TEX11: variants seen among roughly 807,000 people sequenced by gnomAD.
The protein encoded by TEX11 is testis expressed 11.
TEX11 carries 7 observed loss-of-function variants against 84.4 expected under a neutral mutation model. That is an observed-to-expected ratio of 0.08 (90% confidence interval 0.05 to 0.16). TEX11 has a LOEUF of 0.16. Among genes scored for constraint, TEX11 ranks in the 10% least tolerant of loss-of-function variants. TEX11 has a pLI of 1.00. For synonymous variants in TEX11, 264 were observed against 222.8 expected, an observed-to-expected ratio of 1.18 and a Z score of -1.64; for missense variants, 551 against 660.5, an observed-to-expected ratio of 0.83 and a Z score of 1.82.
intron 7 of TEX11, among the ~76,000 whole-genome samples, chrX:70,849,423 A>G (rs1257773971): frequency 8.9e-6 from 1 of 112,094 alleles, no homozygotes; most frequent in Non-Finnish European, 1.9e-5. Flanking sequence ...AGGATAGGAT[A>G]TGTGATTATT....
intron 13 of TEX11, among the ~76,000 whole-genome samples, chrX:70,698,310 A>G (rs2090297613): frequency 9.0e-6 from 1 of 111,383 alleles, no homozygotes; most frequent in South Asian, 3.7e-4. Context: ...CAGCAGATTG[A>G]GTACAGTTAT....
At chrX:70,686,310 G>C (rs1390196736) in intron 13 of TEX11, among the ~76,000 whole-genome samples, 1 of 111,730 alleles carries the variant, frequency 9.0e-6, no homozygotes, top group Non-Finnish European at 1.9e-5. Context: ...ATGATAGACT[G>C]GATAAAGAAA....
intron 17 of TEX11, among the ~76,000 whole-genome samples, chrX:70,640,697 T>C (rs1400791680): frequency 9.2e-6 from 1 of 108,592 alleles, no homozygotes; most frequent in East Asian, 2.9e-4. Flanking sequence ...AGAAATAAAA[T>C]ACTTTACAGA....
chrX:70,706,704 A>G (rs773156277), intron 13 of TEX11, among the ~76,000 whole-genome samples: 29 of 111,415 alleles, frequency 2.6e-4, no homozygotes, highest in African/African-American at 1.3e-4. Context: ...TTATCTCTGC[A>G]TCTTCAATGC....
chrX:70,666,044 C>T (rs896563534), intron 16 of TEX11, among the ~76,000 whole-genome samples: 32 of 111,612 alleles, frequency 2.9e-4, no homozygotes, highest in African/African-American at 1.0e-3. Context: ...ATCTACTATG[C>T]ATTAGGCACT....
chrX:70,791,566 T>A lies in TEX11; in HGVS notation c.692+15139A>T, dbSNP rs141577193. ...AACCATGGAACACACATTCTTCTCA[T>A]CTGCATGCAGAACATACTCTAAGAT... On this transcript the variant is annotated intron_variant, in intron 9 of 29. Transcript: ENST00000374333. 5.7e-3 allele frequency among the ~76,000 whole-genome samples: 636 copies of A among 112,027 alleles called. 3 individuals carry two copies. The highest frequency in any genetic ancestry group is 9.4e-3 in the Non-Finnish European group (501 of 53,224).
intron 11 of TEX11, among the ~76,000 whole-genome samples, chrX:70,736,962 G>A (rs1388150127): frequency 9.0e-6 from 1 of 111,467 alleles, no homozygotes; most frequent in Non-Finnish European, 1.9e-5. Flanking sequence ...AAAATATCCA[G>A]CAGCCAACGA....
intron 13 of TEX11, among the ~76,000 whole-genome samples, chrX:70,694,815 G>A (rs1361863635): frequency 9.0e-6 from 1 of 111,543 alleles, no homozygotes; most frequent in African/African-American, 3.3e-5. Context: ...ATAACTTGGT[G>A]GAGAAAGTTC....
intron 17 of TEX11, among the ~76,000 whole-genome samples, chrX:70,647,410 A>T (rs1223241918): frequency 9.0e-6 from 1 of 111,532 alleles, no homozygotes; most frequent in Non-Finnish European, 1.9e-5. Flanking sequence ...CACAAAAAAA[A>T]TGCTAAGTAT....
chrX:70,667,450 T>C (rs2089985557), intron 16 of TEX11, among the ~76,000 whole-genome samples: 1 of 112,117 alleles, frequency 8.9e-6, no homozygotes, highest in African/African-American at 3.2e-5. Context: ...CCCCAATGCC[T>C]AGAACAGTAC....
At chrX:70,644,750 C>T (rs1443172475) in intron 17 of TEX11, among the ~76,000 whole-genome samples, 6 of 73,316 alleles carry the variant, frequency 8.2e-5, no homozygotes, top group Non-Finnish European at 1.5e-4. Context: ...GGAAGGGGAA[C>T]ATCACACTCT....
intron 15 of TEX11, chrX:70,673,127 T>C (rs1046802741): frequency 2.7e-5 from 3 of 111,963 alleles, no homozygotes; most frequent in African/African-American, 9.8e-5. Context: ...TTTTCTTTGT[T>C]TTTAGCTTTT....
chrX:70,886,835 G>T (rs911690322), intron 2 of TEX11, among the ~76,000 whole-genome samples: 1 of 111,985 alleles, frequency 8.9e-6, no homozygotes, highest in Non-Finnish European at 1.9e-5. Context: ...GAAGGCAATT[G>T]GCTGGGGGTG....
intron 16 of TEX11, among the ~76,000 whole-genome samples, chrX:70,665,385 T>C (rs1385244829): frequency 9.0e-6 from 1 of 111,634 alleles, no homozygotes; most frequent in Non-Finnish European, 1.9e-5. Context: ...TCATCCTTAA[T>C]CCATTCAAAC....
intron 18 of TEX11, among the ~76,000 whole-genome samples, chrX:70,626,370 C>A (rs745423256): frequency 9.1e-6 from 1 of 110,084 alleles, no homozygotes; most frequent in Admixed American, 9.7e-5. Flanking sequence ...CTCCCTCCCC[C>A]TAGTTCTCCA....
intron 17 of TEX11, among the ~76,000 whole-genome samples, chrX:70,634,283 T>C (rs896080547): frequency 8.9e-6 from 1 of 111,955 alleles, no homozygotes; most frequent in African/African-American, 3.2e-5. Flanking sequence ...GTTGTTAAGA[T>C]GTCAGTTATC....
chrX:70,682,873 T>C (rs2090158480), intron 13 of TEX11, 48 bp from the exon 14 acceptor site: 1 of 1,141,362 alleles, frequency 8.8e-7, no homozygotes, highest in African/African-American at 1.8e-5. Flanking sequence ...AAAAACTGGT[T>C]ATTGATCAAT....
chrX:70,808,669 T>C (rs1411295998), intron 8 of TEX11, among the ~76,000 whole-genome samples: 2 of 109,415 alleles, frequency 1.8e-5, no homozygotes, highest in African/African-American at 6.6e-5. Flanking sequence ...AAAACCTTAA[T>C]GTACCCCATA....
the TEX11 span, among the ~76,000 whole-genome samples, chrX:70,523,601 C>G: frequency 1.8e-5 from 2 of 109,963 alleles, no homozygotes; most frequent in Non-Finnish European, 3.8e-5. Context: ...GTAGCTGGGA[C>G]TACAGGCACC....
Sources: gnomAD v4.1 joint callset for allele counts (sites outside exome capture counted in the v4.1 genomes callset) on GRCh38, gnomAD v4.1.1 for gene constraint, MANE v1.5 for transcripts, NCBI Gene and HGNC (gene_info 2026-07-23, HGNC 2026-07-21) for gene names.